The following ARMC3 variants were observed in gnomAD, a reference collection of about 807,000 sequenced individuals.
The protein encoded by ARMC3 is armadillo repeat containing 3.
A neutral mutation model predicts 90.3 loss-of-function variants in ARMC3; 74 were observed. That is an observed-to-expected ratio of 0.82 (90% CI 0.68 to 0.99). The LOEUF (loss-of-function observed/expected upper bound fraction) is 0.99. ARMC3 is among the 50% of genes least tolerant of loss of function. The pLI, the probability that ARMC3 is intolerant of heterozygous loss-of-function variation, is 0.00. For missense variants in ARMC3, 958 were observed against 1,042.8 expected (o/e 0.92, Z 1.12); for synonymous variants, 334 against 361.8 (o/e 0.92, Z 0.87).
chr10:22,944,001 T>C (rs1027435777), intron 2 of ARMC3, among the ~76,000 whole-genome samples: 44 of 152,140 alleles, frequency 2.9e-4, no homozygotes, highest in African/African-American at 9.9e-4. Flanking sequence ...AACAGCAAAA[T>C]ACATTTTACT....
At position 22,993,403 on chromosome 10, in the gene ARMC3, G is replaced by A. The variant is rs571868961; in HGVS notation, c.1176-4745G>A. On this transcript the variant is annotated intron_variant, in intron 10 of 18. Transcript: ENST00000298032. The stretch of plus-strand genomic sequence containing the variant: ...ATTACCTCACTGTATAATTGGAGAA[G>A]CATGAGGGCAGGGAGGAAATGAACC... 3.9e-5 allele frequency among the ~76,000 whole-genome samples: 6 copies of A among 152,344 alleles called. No homozygotes were observed. The East Asian group carries it at 9.7e-4, about 25-fold the overall frequency.
At chr10:22,961,111 A>G (rs1209925951) in intron 6 of ARMC3, 2 of 152,264 alleles carry the variant, frequency 1.3e-5, no homozygotes, top group African/African-American at 4.8e-5. Flanking sequence ...GACAAAAAGC[A>G]ATCTACAATT....
intron 4 of ARMC3, among the ~76,000 whole-genome samples, chr10:22,956,940 G>T (rs1834968203): frequency 6.6e-6 from 1 of 151,780 alleles, no homozygotes. Context: ...TCTGACTTAT[G>T]AACAGGATAT....
chr10:22,991,222 C>A (rs1452101462), intron 10 of ARMC3, among the ~76,000 whole-genome samples: 3 of 152,144 alleles, frequency 2.0e-5, no homozygotes, highest in Non-Finnish European at 4.4e-5. Flanking sequence ...TTTAGTCTCT[C>A]TGCATCCTGT....
chr10:22,928,338 A>T (rs1833795948), intron 1 of ARMC3, among the ~76,000 whole-genome samples: 1 of 152,160 alleles, frequency 6.6e-6, no homozygotes, highest in South Asian at 2.1e-4. Flanking sequence ...CCGAGAGGGG[A>T]TCTGAGGTGA....
At chr10:23,015,607 A>G (rs1027231507) in intron 16 of ARMC3, among the ~76,000 whole-genome samples, 5 of 152,184 alleles carry the variant, frequency 3.3e-5, no homozygotes, top group Admixed American at 2.6e-4. Flanking sequence ...CATGCTGATC[A>G]TGTCTAGAGC....
chr10:22,980,238 A>G (rs979840742), intron 8 of ARMC3, among the ~76,000 whole-genome samples: 23 of 152,164 alleles, frequency 1.5e-4, no homozygotes, highest in Admixed American at 1.5e-3. Context: ...CTTCTCTTAT[A>G]TATCTTGAGT....
At chr10:22,989,065 A>G (rs1229856830) in intron 10 of ARMC3, among the ~76,000 whole-genome samples, 3 of 152,206 alleles carry the variant, frequency 2.0e-5, no homozygotes, top group Admixed American at 6.5e-5. Flanking sequence ...ACTGACCCCT[A>G]GTGGCCGATT....
intron 16 of ARMC3, among the ~76,000 whole-genome samples, chr10:23,021,203 C>T (rs1838499032): frequency 6.6e-6 from 1 of 152,164 alleles, no homozygotes; most frequent in Admixed American, 6.5e-5. Flanking sequence ...TTTTAAAAAT[C>T]AAGTCCACTG....
At chr10:22,943,931 C>T (rs1267983485) in intron 2 of ARMC3, among the ~76,000 whole-genome samples, 1 of 139,068 alleles carries the variant, frequency 7.2e-6, no homozygotes. Context: ...GAGACTCCAT[C>T]TCAAAAAAAA....
intron 16 of ARMC3, chr10:23,014,220 A>C: frequency 6.5e-7 from 1 of 1,531,526 alleles, no homozygotes; most frequent in African/African-American, 1.4e-5. Flanking sequence ...TCTGAATTGT[A>C]AATGAAAATG....
At chr10:22,990,057 G>T (rs1836634267) in intron 10 of ARMC3, among the ~76,000 whole-genome samples, 1 of 152,260 alleles carries the variant, frequency 6.6e-6, no homozygotes, top group South Asian at 2.1e-4. Flanking sequence ...TACCTACAGT[G>T]CAGAGACTGA....
intron 8 of ARMC3, among the ~76,000 whole-genome samples, chr10:22,976,348 T>C (rs1193463281): frequency 6.6e-6 from 1 of 152,248 alleles, no homozygotes; most frequent in Non-Finnish European, 1.5e-5. Context: ...GTTTCTGCCA[T>C]TCTGCCAAAA....
chr10:23,035,542 T>C (rs557076155), intron 18 of ARMC3, among the ~76,000 whole-genome samples: 13 of 152,278 alleles, frequency 8.5e-5, no homozygotes, highest in South Asian at 2.1e-4. Context: ...AGCCCTTCTA[T>C]ATATACTCTT....
rs938740989 is a variant in ARMC3, at chr10:23,033,098, G to A, written c.2409+75G>A. On this transcript the variant is annotated intron_variant, in intron 18 of 18. Coordinates refer to ENST00000298032, the MANE Select transcript of ARMC3 (RefSeq NM_173081.5). ...TTTATCATACTGGAGTAGGCCAGTT[G>A]CTAACATTTAACTGGATATTATTAA... 5 of 1,406,342 alleles carry A rather than the reference G, an allele frequency of 3.6e-6. No individual in the cohort carries two copies. In the African/African-American group the frequency reaches 7.3e-5, roughly 20 times the overall value. 87.1% of individuals were successfully genotyped at this position (1,406,342 alleles called of 1,614,324 possible). A position where few individuals can be genotyped will look rare whatever the true frequency, so the allele number is the denominator to read the frequency against.
chr10:22,985,742 T>C (rs1836390817), intron 10 of ARMC3, among the ~76,000 whole-genome samples: 1 of 152,232 alleles, frequency 6.6e-6, no homozygotes, highest in Non-Finnish European at 1.5e-5. Flanking sequence ...ACATGAATCC[T>C]TTTACTTACA....
chr10:22,931,592 C>A (rs1472792022), intron 1 of ARMC3, among the ~76,000 whole-genome samples: 1 of 152,078 alleles, frequency 6.6e-6, no homozygotes, highest in Non-Finnish European at 1.5e-5. Context: ...TAGATCAGTG[C>A]AAGAAAATAG....
At chr10:22,948,526 C>T (rs1834624504) in intron 3 of ARMC3, among the ~76,000 whole-genome samples, 1 of 151,394 alleles carries the variant, frequency 6.6e-6, no homozygotes, top group African/African-American at 2.4e-5. Flanking sequence ...ATGAATGAAA[C>T]AGACCCAATA....
At chr10:22,945,917 T>A (rs187882327) in intron 2 of ARMC3, among the ~76,000 whole-genome samples, 30 of 152,340 alleles carry the variant, frequency 2.0e-4, no homozygotes, top group African/African-American at 6.5e-4. Flanking sequence ...CCTGTCAGAT[T>A]CCAAAACATT....
Sources: gnomAD v4.1 joint callset for allele counts (sites outside exome capture counted in the v4.1 genomes callset) on GRCh38, gnomAD v4.1.1 for gene constraint, MANE v1.5 for transcripts, NCBI Gene and HGNC (gene_info 2026-07-23, HGNC 2026-07-21) for gene names.